Variants in CDH13 observed in about 807,000 individuals in gnomAD.
CDH13 encodes the protein cadherin-13.
A neutral mutation model predicts 63.8 loss-of-function variants in CDH13; 24 were observed. The ratio of observed to expected loss-of-function variants is 0.38; its 90% CI spans 0.27 to 0.53. The LOEUF (loss-of-function observed/expected upper bound fraction) is 0.53, where lower values mean the gene tolerates loss of function less well. Among genes scored for constraint, CDH13 ranks in the 20% least tolerant of loss-of-function variants. The pLI is 0.85. For missense variants in CDH13, 1,049 were observed against 903.1 expected (o/e 1.16, Z -2.07); for synonymous variants, 503 against 355.3 (o/e 1.42, Z -4.67).
intron 6 of CDH13, among the ~76,000 whole-genome samples, chr16:83,400,105 C>G (rs780209963): frequency 4.6e-5 from 7 of 151,258 alleles, no homozygotes; most frequent in Non-Finnish European, 1.0e-4. Context: ...ATGCTGAGGC[C>G]TAGATAATTC....
chr16:82,847,003 A>T (rs1245113836), intron 1 of CDH13, among the ~76,000 whole-genome samples: 1 of 152,206 alleles, frequency 6.6e-6, no homozygotes, highest in Non-Finnish European at 1.5e-5. Context: ...CAGCCTTGTC[A>T]AAGCATTCCA....
intron 4 of CDH13, among the ~76,000 whole-genome samples, chr16:83,187,041 G>A (rs1470475643): frequency 6.6e-6 from 1 of 152,094 alleles, no homozygotes; most frequent in African/African-American, 2.4e-5. Context: ...TGTGATCTCA[G>A]CTCACTGCAA....
chr16:83,410,092 C>A (rs769937663), intron 6 of CDH13, among the ~76,000 whole-genome samples: 1 of 152,162 alleles, frequency 6.6e-6, no homozygotes, highest in Admixed American at 6.5e-5. Context: ...GAGTTGCAAG[C>A]ACAAATCCTG....
intron 6 of CDH13, among the ~76,000 whole-genome samples, chr16:83,347,880 C>G (rs2090872133): frequency 6.6e-6 from 1 of 152,176 alleles, no homozygotes; most frequent in Non-Finnish European, 1.5e-5. Flanking sequence ...CTTCCTGGGC[C>G]TTGTGTGAGC....
intron 6 of CDH13, among the ~76,000 whole-genome samples, chr16:83,382,191 G>T (rs777844936): frequency 3.3e-5 from 5 of 152,148 alleles, no homozygotes; most frequent in Non-Finnish European, 5.9e-5. Flanking sequence ...TTTGAGGACA[G>T]CACTGACTAA....
At chr16:82,790,255 T>G (rs1404335785) in intron 1 of CDH13, among the ~76,000 whole-genome samples, 1 of 152,016 alleles carries the variant, frequency 6.6e-6, no homozygotes, top group Admixed American at 6.5e-5. Flanking sequence ...ATCAGCAGGG[T>G]GAAACCCCAT....
At chr16:83,732,571 C>G (rs75085114) in intron 10 of CDH13, among the ~76,000 whole-genome samples, 261 of 152,316 alleles carry the variant, frequency 1.7e-3, no homozygotes, top group African/African-American at 6.0e-3. Context: ...TGTTTCTACA[C>G]TAGTGCTAAT....
chr16:83,195,605 C>T (rs1323362761), intron 4 of CDH13, among the ~76,000 whole-genome samples: 1 of 152,004 alleles, frequency 6.6e-6, no homozygotes, highest in Non-Finnish European at 1.5e-5. Flanking sequence ...ATGAGGAAAC[C>T]CCCCGCCGTG....
intron 4 of CDH13, 97 bp downstream of exon 4, chr16:83,125,598 GTCT>G: frequency 1.5e-6 from 1 of 662,356 alleles, no homozygotes; most frequent in Non-Finnish European, 2.7e-6. Flanking sequence ...GCTGGAATTA[GTCT>G]TCATCTGTCT....
At chr16:83,101,488 A>G (rs2034476282) in intron 3 of CDH13, among the ~76,000 whole-genome samples, 1 of 150,862 alleles carries the variant, frequency 6.6e-6, no homozygotes, top group African/African-American at 2.4e-5. Flanking sequence ...AGTTTGAAGG[A>G]TGTTTTAGAA....
chr16:82,684,406 A>T (rs1914856645), intron 1 of CDH13, among the ~76,000 whole-genome samples: 1 of 152,182 alleles, frequency 6.6e-6, no homozygotes, highest in Non-Finnish European at 1.5e-5. Flanking sequence ...GGGTCAACTC[A>T]CATGAAGAGG....
chr16:82,941,422 G>T (rs1271252398), intron 2 of CDH13, among the ~76,000 whole-genome samples: 1 of 151,982 alleles, frequency 6.6e-6, no homozygotes, highest in African/African-American at 2.4e-5. Flanking sequence ...CCTACCAAAG[G>T]TCCCCTCCTA....
intron 10 of CDH13, among the ~76,000 whole-genome samples, chr16:83,730,372 A>G (rs771820052): frequency 1.3e-5 from 2 of 152,176 alleles, no homozygotes; most frequent in African/African-American, 2.4e-5. Flanking sequence ...CCCTATAGCT[A>G]TTTCTTTAAG....
chr16:83,431,526 T>TA (rs964501699), intron 6 of CDH13, among the ~76,000 whole-genome samples: 1 of 152,046 alleles, frequency 6.6e-6, no homozygotes, highest in Non-Finnish European at 1.5e-5. Context: ...GGGTAATTTA[T>TA]AAAAAATTTT....
intron 1 of CDH13, among the ~76,000 whole-genome samples, chr16:82,632,942 G>A (rs1301947537): frequency 5.3e-5 from 8 of 152,274 alleles, no homozygotes; most frequent in African/African-American, 1.9e-4. Context: ...TAGATCCCAT[G>A]CACGCACACA....
chr16:83,602,490 GC>G lies in CDH13; in HGVS notation c.998del (p.Ala333ValfsTer11). 1 of 1,613,884 alleles carries G rather than the reference GC, an allele frequency of 6.2e-7. No individual in the cohort carries two copies. Among genetic ancestry groups the G allele is most frequent in the Non-Finnish European group, 8.5e-7 (1 of 1,179,820 alleles). The part of the protein sequence containing the change: ...ENPKYELIIE[A>X]QDMAGLDVGL... Reference sequence around the variant, plus strand: ...TCCCAAGTATGAACTGATCATCGAGGCTCAAGATATGGCTGGACTGGATGTT... The same window carrying G: ...TCCCAAGTATGAACTGATCATCGAGGTCAAGATATGGCTGGACTGGATGTT... On this transcript the variant is annotated frameshift_variant, in exon 8 of 14. Coordinates refer to ENST00000567109, the MANE Select transcript of CDH13 (RefSeq NM_001257.5). LOFTEE classifies it high-confidence loss of function.
At chr16:83,052,552 G>A (rs2030455305) in intron 3 of CDH13, among the ~76,000 whole-genome samples, 1 of 152,214 alleles carries the variant, frequency 6.6e-6, no homozygotes, top group African/African-American at 2.4e-5. Flanking sequence ...GGCCAAGGCG[G>A]GCAGATCACC....
At chr16:82,769,703 T>C (rs1203415918) in intron 1 of CDH13, among the ~76,000 whole-genome samples, 1 of 152,190 alleles carries the variant, frequency 6.6e-6, no homozygotes, top group Admixed American at 6.5e-5. Flanking sequence ...TGTTTGCAAA[T>C]GACAAATTAT....
chr16:83,523,395 C>A (rs2074885014), intron 7 of CDH13, among the ~76,000 whole-genome samples: 1 of 152,164 alleles, frequency 6.6e-6, no homozygotes, highest in Non-Finnish European at 1.5e-5. Context: ...GCTCTTCAAT[C>A]CTGATAGCTT....
Sources: gnomAD v4.1 joint callset for allele counts (sites outside exome capture counted in the v4.1 genomes callset) on GRCh38, gnomAD v4.1.1 for gene constraint, MANE v1.5 for transcripts, NCBI Gene and HGNC (gene_info 2026-07-23, HGNC 2026-07-21) for gene names.